The following FGF14 variants were observed in gnomAD, a reference collection of about 807,000 sequenced individuals.
The protein encoded by FGF14 is fibroblast growth factor homologous factor 4.
In FGF14, 5 loss-of-function variants were observed where a neutral mutation model predicts 25.5. That is an observed-to-expected ratio of 0.20 (90% CI 0.10 to 0.41). FGF14 has a LOEUF of 0.41. Ranked by LOEUF, FGF14 falls within the 10% of genes least tolerant of loss-of-function variation. The pLI, the probability that FGF14 is intolerant of heterozygous loss-of-function variation, is 1.00. For synonymous variants in FGF14, 138 were observed against 118.3 expected, an observed-to-expected ratio of 1.17 and a Z score of -1.08; for missense variants, 222 against 320.1, an observed-to-expected ratio of 0.69 and a Z score of 2.34.
rs184706524 is a variant in FGF14 at position 101,951,104 on chromosome 13, C to T, written c.209-75808G>A. Among the ~76,000 whole-genome samples the T allele has an allele frequency of 2.0e-5, 3 of 152,206 alleles. No homozygotes were observed. In the East Asian group the frequency reaches 5.8e-4, roughly 29 times the overall value. On this transcript the variant is annotated intron_variant, in intron 1 of 4. Coordinates refer to the FGF14 transcript ENST00000376131. Reference sequence around the variant, plus strand: ...TGGATTTTTGGTGAAATTTATACTACAAAAGTAATGCAGTCAGATAAATGG... The same window carrying T: ...TGGATTTTTGGTGAAATTTATACTATAAAAGTAATGCAGTCAGATAAATGG...
chr13:102,127,843 C>G (rs2046012320), intron 1 of FGF14, among the ~76,000 whole-genome samples: 1 of 152,200 alleles, frequency 6.6e-6, no homozygotes, highest in Admixed American at 6.5e-5. Flanking sequence ...AACAATGATT[C>G]TTTTGCATCA....
chr13:102,193,347 C>T (rs1054980095), intron 1 of FGF14, among the ~76,000 whole-genome samples: 2 of 152,090 alleles, frequency 1.3e-5, no homozygotes, highest in African/African-American at 4.8e-5. Context: ...GGGATCCAGT[C>T]ACATGATCTC....
chr13:101,823,345 A>G (rs2042247595), intron 3 of FGF14, among the ~76,000 whole-genome samples: 1 of 149,712 alleles, frequency 6.7e-6, no homozygotes, highest in South Asian at 2.1e-4. Context: ...GTATATACAT[A>G]CAAAAAATAG....
At chr13:101,965,307 C>A (rs1007733194) in intron 1 of FGF14, among the ~76,000 whole-genome samples, 14 of 151,546 alleles carry the variant, frequency 9.2e-5, no homozygotes, top group African/African-American at 3.2e-4. Flanking sequence ...GCAAACGCTA[C>A]ACATGCCTTC....
At chr13:102,043,884 A>C (rs9634528) in intron 1 of FGF14, among the ~76,000 whole-genome samples, 68,270 of 151,990 alleles carry the variant, frequency 0.45, 15,823 homozygotes, top group East Asian at 0.73. Context: ...CATCCTACCT[A>C]GCAACTGGAT....
rs540395811 is a variant in FGF14 at position 102,253,312 on chromosome 13, C to G, written c.208+148159G>C. On this transcript the variant is annotated intron_variant, in intron 1 of 4. Transcript: ENST00000376131. ...CACTGTAAAAGTGTTCCTATTTCTC[C>G]ACATCCTCTCCAGCATCTGTTGTTT... 4.6e-5 allele frequency among the ~76,000 whole-genome samples: 7 copies of G among 152,254 alleles called. No individual in the cohort carries two copies. In the South Asian group the frequency reaches 1.4e-3, roughly 32 times the overall value.
At chr13:101,789,298 A>G (rs1445949772) in intron 3 of FGF14, among the ~76,000 whole-genome samples, 5 of 151,972 alleles carry the variant, frequency 3.3e-5, no homozygotes, top group African/African-American at 1.2e-4. Context: ...GTGATTCTGG[A>G]ACCATTAGGG....
chr13:102,034,544 C>A (rs888223886), intron 1 of FGF14, among the ~76,000 whole-genome samples: 5 of 152,168 alleles, frequency 3.3e-5, no homozygotes, highest in Non-Finnish European at 7.4e-5. Flanking sequence ...AAGTGAGGCA[C>A]TAGCCTTGGG....
chr13:102,015,397 C>T (rs937549436), intron 1 of FGF14, among the ~76,000 whole-genome samples: 7 of 152,070 alleles, frequency 4.6e-5, no homozygotes, highest in Admixed American at 6.6e-5. Flanking sequence ...GTTTGATTGT[C>T]AAAAGATCCA....
intron 1 of FGF14, among the ~76,000 whole-genome samples, chr13:102,133,437 T>C (rs2140422192): frequency 6.6e-6 from 1 of 152,296 alleles, no homozygotes; most frequent in African/African-American, 2.4e-5. Flanking sequence ...CTATAACATG[T>C]GTGCATTTAA....
At chr13:101,789,345 A>T (rs7990779) in intron 3 of FGF14, among the ~76,000 whole-genome samples, 1 of 151,782 alleles carries the variant, frequency 6.6e-6, no homozygotes, top group Admixed American at 6.6e-5. Context: ...AGTACCTAAT[A>T]TTATCAACTT....
chr13:101,789,533 C>T (rs1180956346), intron 3 of FGF14, among the ~76,000 whole-genome samples: 2 of 152,068 alleles, frequency 1.3e-5, no homozygotes, highest in Admixed American at 1.3e-4. Flanking sequence ...ATTCTCTGAC[C>T]ATCATAAAGT....
chr13:101,767,546 G>T (rs2038486607), intron 3 of FGF14, among the ~76,000 whole-genome samples: 1 of 152,146 alleles, frequency 6.6e-6, no homozygotes. Flanking sequence ...GTATTTTACT[G>T]AATCCCTTTT....
At chr13:102,387,441 A>G (rs1038463002) in intron 1 of FGF14, among the ~76,000 whole-genome samples, 1 of 152,222 alleles carries the variant, frequency 6.6e-6, no homozygotes, top group Non-Finnish European at 1.5e-5. Flanking sequence ...CCACAGCAGC[A>G]TGCTGGAATT....
intron 1 of FGF14, among the ~76,000 whole-genome samples, chr13:101,901,809 T>C (rs1316975887): frequency 6.6e-6 from 1 of 152,156 alleles, no homozygotes; most frequent in Non-Finnish European, 1.5e-5. Context: ...TACCATAGAT[T>C]ATATGACCCA....
At chr13:102,295,735 A>G (rs1169466018) in intron 1 of FGF14, among the ~76,000 whole-genome samples, 4 of 152,194 alleles carry the variant, frequency 2.6e-5, no homozygotes. Context: ...ACATTGCTTC[A>G]TACAACCATA....
rs2138989732 is a variant in FGF14, at chr13:102,352,856, A to C, written c.208+48615T>G. On this transcript the variant is annotated intron_variant, in intron 1 of 4. Transcript: ENST00000376131. ...GATGTTAAGATATAGTTAGCCAGAA[A>C]ACAATTTGTCTTTAGGAGAGAAAAG... 2.0e-5 allele frequency among the ~76,000 whole-genome samples: 3 copies of C among 152,194 alleles called. No homozygotes were observed. The South Asian group carries it at 6.2e-4, about 32-fold the overall frequency.
Position 102,330,441 on chromosome 13 carries a change from A to G in FGF14, c.208+71030T>C, listed in dbSNP as rs1327416860. 2.6e-5 allele frequency among the ~76,000 whole-genome samples: 4 copies of G among 152,026 alleles called. No individual in the cohort carries two copies. In the East Asian group the frequency reaches 5.8e-4, roughly 22 times the overall value. ...CTCAACTCTCTCTCCTGCATCATCT[A>G]TTTTTCTTTTACCAATTAATCATAC... On this transcript the variant is annotated intron_variant, in intron 1 of 4. Coordinates refer to the FGF14 transcript ENST00000376131.
chr13:101,873,194 T>C (rs1266086068), intron 2 of FGF14, among the ~76,000 whole-genome samples: 1 of 152,134 alleles, frequency 6.6e-6, no homozygotes, highest in Non-Finnish European at 1.5e-5. Context: ...TCTGAAGCAG[T>C]ATGCTTTTAA....
Sources: gnomAD v4.1 joint callset for allele counts (sites outside exome capture counted in the v4.1 genomes callset) on GRCh38, gnomAD v4.1.1 for gene constraint, MANE v1.5 for transcripts, NCBI Gene and HGNC (gene_info 2026-07-23, HGNC 2026-07-21) for gene names.